TMEM185A: variants seen among roughly 807,000 people sequenced by gnomAD.
TMEM185A encodes the protein family with sequence similarity 11, member A.
TMEM185A carries 9 observed loss-of-function variants against 25.0 expected under a neutral mutation model. That is an observed-to-expected ratio of 0.36 (90% confidence interval 0.22 to 0.63). The LOEUF (loss-of-function observed/expected upper bound fraction) is 0.63, where lower values mean the gene tolerates loss of function less well. Ranked by LOEUF, TMEM185A falls within the 20% of genes least tolerant of loss-of-function variation. The pLI is 0.68. For missense variants in TMEM185A, 103 were observed against 237.4 expected, an observed-to-expected ratio of 0.43 and a Z score of 3.72; for synonymous variants, 45 against 93.5, an observed-to-expected ratio of 0.48 and a Z score of 2.99.
At chrX:149,629,927 C>G (rs2090182748) in intron 1 of TMEM185A, among the ~76,000 whole-genome samples, 1 of 112,274 alleles carries the variant, frequency 8.9e-6, no homozygotes, top group Non-Finnish European at 1.9e-5. Context: ...CCCTACCCCA[C>G]TGAGAGATTA....
chrX:149,618,501 G>A (rs1478909104), intron 1 of TMEM185A, among the ~76,000 whole-genome samples: 3 of 111,206 alleles, frequency 2.7e-5, no homozygotes, highest in Non-Finnish European at 5.7e-5. Context: ...AGGTGGCTAC[G>A]AATATAAGAT....
chrX:149,628,960 G>C (rs947669916), intron 1 of TMEM185A, among the ~76,000 whole-genome samples: 1 of 112,073 alleles, frequency 8.9e-6, no homozygotes, highest in Non-Finnish European at 1.9e-5. Context: ...CAAGTATGCA[G>C]GCTACGATAC....
At chrX:149,630,219 C>T (rs899698805) in intron 1 of TMEM185A, among the ~76,000 whole-genome samples, 21 of 111,793 alleles carry the variant, frequency 1.9e-4, no homozygotes, top group African/African-American at 6.5e-4. Flanking sequence ...AGAACATGAA[C>T]TCAAAGTGGA....
intron 1 of TMEM185A, among the ~76,000 whole-genome samples, chrX:149,628,237 C>T (rs2090173702): frequency 9.0e-6 from 1 of 111,445 alleles, no homozygotes; most frequent in African/African-American, 3.3e-5. Context: ...CCAGCAACTC[C>T]CCCAAAGTAG....
intron 2 of TMEM185A, 91 bp downstream of exon 2, chrX:149,611,196 A>G: frequency 2.3e-6 from 2 of 879,843 alleles, no homozygotes; most frequent in South Asian, 5.8e-5. Flanking sequence ...TAGGTAGAAA[A>G]TAAAATGGTC....
intron 1 of TMEM185A, among the ~76,000 whole-genome samples, chrX:149,621,990 T>A (rs1557355554): frequency 8.9e-6 from 1 of 112,075 alleles, no homozygotes; most frequent in Non-Finnish European, 1.9e-5. Flanking sequence ...CGGATTAGGA[T>A]GTGGACATAC....
intron 4 of TMEM185A, 142 bp downstream of exon 4, chrX:149,603,845 T>C (rs1402086529): frequency 4.6e-6 from 2 of 435,827 alleles, no homozygotes; most frequent in Non-Finnish European, 7.7e-6. Flanking sequence ...ACACTAACCA[T>C]GTTATCTCCC....
At chrX:149,598,607 G>A (rs201504131) in intron 6 of TMEM185A, among the ~76,000 whole-genome samples, 8,033 of 18,767 alleles carry the variant, frequency 0.43, 1,761 homozygotes, top group Non-Finnish European at 0.47. Context: ...GGATGCCCAA[G>A]TTTGAGAACT....
At chrX:149,623,135 T>G (rs2057678212) in intron 1 of TMEM185A, among the ~76,000 whole-genome samples, 1 of 112,152 alleles carries the variant, frequency 8.9e-6, no homozygotes, top group Non-Finnish European at 1.9e-5. Flanking sequence ...CTAACTGTAT[T>G]ATTGTACCCA....
intron 1 of TMEM185A, among the ~76,000 whole-genome samples, chrX:149,613,969 T>A (rs370043245): frequency 3.6e-5 from 4 of 112,208 alleles, no homozygotes; most frequent in East Asian, 5.6e-4. Flanking sequence ...AATAAAAAAA[T>A]CAAACTGTTA....
intron 1 of TMEM185A, among the ~76,000 whole-genome samples, chrX:149,622,327 T>C (rs1276663664): frequency 8.9e-6 from 1 of 112,231 alleles, no homozygotes; most frequent in African/African-American, 3.2e-5. Context: ...TTTTTAAGGA[T>C]ACACAGAAAT....
At chrX:149,612,691 C>G (rs782071317) in intron 1 of TMEM185A, among the ~76,000 whole-genome samples, 24 of 112,029 alleles carry the variant, frequency 2.1e-4, no homozygotes, top group Non-Finnish European at 4.3e-4. Flanking sequence ...CAGAATCTCA[C>G]AAGGCTGAAA....
At chrX:149,623,185 C>T (rs940783070) in intron 1 of TMEM185A, among the ~76,000 whole-genome samples, 3 of 112,300 alleles carry the variant, frequency 2.7e-5, no homozygotes, top group African/African-American at 9.7e-5. Flanking sequence ...CCAATTCCAG[C>T]AGACTGGAAC....
chrX:149,611,866 G>A (rs2090085566), intron 1 of TMEM185A, among the ~76,000 whole-genome samples: 1 of 111,841 alleles, frequency 8.9e-6, no homozygotes, highest in Admixed American at 9.5e-5. Context: ...AAGTATTCCA[G>A]GCAGAAGGAA....
intron 1 of TMEM185A, among the ~76,000 whole-genome samples, chrX:149,619,965 A>G (rs1486873118): frequency 1.8e-5 from 2 of 111,678 alleles, no homozygotes; most frequent in African/African-American, 6.5e-5. Context: ...TAGAATGTCA[A>G]TCATTAAAAA....
intron 1 of TMEM185A, among the ~76,000 whole-genome samples, chrX:149,630,868 C>G (rs1391888378): frequency 1.8e-5 from 2 of 111,607 alleles, no homozygotes; most frequent in East Asian, 5.6e-4. Flanking sequence ...ACACTGTCCA[C>G]TGGGTGTTCC....
chrX:149,611,142 C>A (rs890703736), intron 2 of TMEM185A, 145 bp downstream of exon 2: 22 of 584,394 alleles, frequency 3.8e-5, no homozygotes, highest in Admixed American at 1.4e-4. Context: ...TTCAAAAACA[C>A]AGAAGAGATC....
chrX:149,615,577 G>A (rs1030482291), intron 1 of TMEM185A, among the ~76,000 whole-genome samples: 23 of 111,523 alleles, frequency 2.1e-4, no homozygotes, highest in African/African-American at 5.9e-4. Flanking sequence ...AAAAAAGCTA[G>A]TAGATCTAGT....
At chrX:149,622,916 C>T (rs1211633309) in intron 1 of TMEM185A, among the ~76,000 whole-genome samples, 2 of 111,510 alleles carry the variant, frequency 1.8e-5, no homozygotes, top group Admixed American at 9.5e-5. Flanking sequence ...AACAGTTGTG[C>T]CTATTTATGG....
Sources: allele counts gnomAD v4.1 joint callset (sites outside exome capture counted in the v4.1 genomes callset), GRCh38; gene constraint gnomAD v4.1.1; transcripts MANE v1.5; gene names NCBI Gene and HGNC (gene_info 2026-07-23, HGNC 2026-07-21).